The following LSAMP variants were observed in gnomAD, a reference collection of about 807,000 sequenced individuals.
LSAMP encodes limbic system associated membrane protein.
Under a neutral mutation model 38.6 loss-of-function variants are expected in LSAMP, and 7 were observed. The observed-to-expected ratio is 0.18, with a 90% CI of 0.10 to 0.34. The LOEUF (loss-of-function observed/expected upper bound fraction) is 0.34, where lower values mean the gene tolerates loss of function less well. Ranked by LOEUF, LSAMP falls within the 10% of genes least tolerant of loss-of-function variation. The pLI, the probability that LSAMP is intolerant of heterozygous loss-of-function variation, is 1.00. For synonymous variants in LSAMP, 154 were observed against 166.8 expected, an observed-to-expected ratio of 0.92 and a Z score of 0.59; for missense variants, 313 against 420.0, an observed-to-expected ratio of 0.75 and a Z score of 2.23.
At chr3:116,272,872 A>T (rs1407653803) in intron 1 of LSAMP, among the ~76,000 whole-genome samples, 9 of 152,042 alleles carry the variant, frequency 5.9e-5, no homozygotes, top group South Asian at 2.1e-4. Context: ...TAGTAAACTA[A>T]TTTTTTTGTT....
chr3:116,154,660 C>G (rs530223385), intron 1 of LSAMP, among the ~76,000 whole-genome samples: 34 of 152,190 alleles, frequency 2.2e-4, no homozygotes, highest in African/African-American at 7.0e-4. Flanking sequence ...TTCAAGCACA[C>G]CTTGCTCCCT....
At chr3:116,267,611 CAA>C (rs59540404) in intron 1 of LSAMP, among the ~76,000 whole-genome samples, 7,066 of 140,060 alleles carry the variant, frequency 0.05, 550 homozygotes, top group African/African-American at 0.17. Context: ...TTTAAGCTGG[CAA>C]AAAAAAAAAA....
chr3:116,044,279 G>A (rs1452263080), intron 2 of LSAMP, among the ~76,000 whole-genome samples: 1 of 152,146 alleles, frequency 6.6e-6, no homozygotes, highest in Non-Finnish European at 1.5e-5. Context: ...ATTTCCCCTT[G>A]CCCAAAGATT....
intron 1 of LSAMP, among the ~76,000 whole-genome samples, chr3:116,264,440 C>G (rs1334892347): frequency 2.0e-5 from 3 of 152,140 alleles, no homozygotes; most frequent in Non-Finnish European, 2.9e-5. Flanking sequence ...AGCACAGCCT[C>G]ATCAATTGCT....
At chr3:116,181,095 T>C (rs138194110) in intron 1 of LSAMP, among the ~76,000 whole-genome samples, 1 of 152,162 alleles carries the variant, frequency 6.6e-6, no homozygotes, top group East Asian at 1.9e-4. Context: ...GTAGTATTTG[T>C]TTTAAGTACA....
intron 3 of LSAMP, among the ~76,000 whole-genome samples, chr3:115,878,414 C>A: frequency 6.8e-6 from 1 of 147,616 alleles, no homozygotes. Flanking sequence ...CATTATTAAC[C>A]AATAAAAGAT....
intron 1 of LSAMP, among the ~76,000 whole-genome samples, chr3:116,253,406 A>G (rs1172928585): frequency 1.3e-5 from 2 of 152,026 alleles, no homozygotes; most frequent in African/African-American, 2.4e-5. Flanking sequence ...GGAGAGACAC[A>G]TTTTTCCTAG....
chr3:115,894,113 C>T (rs187903332), intron 3 of LSAMP, among the ~76,000 whole-genome samples: 1 of 152,020 alleles, frequency 6.6e-6, no homozygotes, highest in Non-Finnish European at 1.5e-5. Context: ...ACGCATAACT[C>T]TTTATTCCAT....
At chr3:116,440,402 G>T (rs1486638071) in intron 1 of LSAMP, among the ~76,000 whole-genome samples, 1 of 152,164 alleles carries the variant, frequency 6.6e-6, no homozygotes, top group Non-Finnish European at 1.5e-5. Context: ...CCTCACCAGT[G>T]ACTCAGTGGA....
At chr3:116,013,846 A>T (rs1940400739) in intron 3 of LSAMP, among the ~76,000 whole-genome samples, 1 of 152,142 alleles carries the variant, frequency 6.6e-6, no homozygotes, top group African/African-American at 2.4e-5. Context: ...TCTTAAATGC[A>T]TTATCATTCT....
intron 1 of LSAMP, among the ~76,000 whole-genome samples, chr3:116,238,158 T>C (rs1430495486): frequency 2.6e-5 from 4 of 152,168 alleles, no homozygotes; most frequent in Non-Finnish European, 5.9e-5. Flanking sequence ...TATGAACACC[T>C]GAGTAATCAA....
At chr3:116,289,196 G>C (rs575120921) in intron 1 of LSAMP, among the ~76,000 whole-genome samples, 1 of 152,284 alleles carries the variant, frequency 6.6e-6, no homozygotes, top group African/African-American at 2.4e-5. Flanking sequence ...ATCAAGACTG[G>C]TATGTCTCTG....
chr3:115,997,753 TACACAC>T (rs1189079190), intron 3 of LSAMP, among the ~76,000 whole-genome samples: 2 of 124,978 alleles, frequency 1.6e-5, no homozygotes, highest in South Asian at 2.6e-4. Flanking sequence ...TATATATATA[TACACAC>T]ACATACATAC....
Position 116,445,408 on chromosome 3 carries a change from A to C in LSAMP, c.-377T>G, listed in dbSNP as rs2049497864. On this transcript the variant is annotated 5_prime_UTR_variant, in exon 1 of 7. Transcript: ENST00000490035. The stretch of plus-strand genomic sequence containing the variant: ...GCTGAGCTCCTTCGCTCTGTAACCC[A>C]CTTTCCCAGGCTGGCGGGCGGGCGG... 9.3e-6 allele frequency: 4 copies of C among 430,868 alleles called. No individual in the cohort carries two copies. Among genetic ancestry groups the C allele is most frequent in the Non-Finnish European group, 8.1e-6 (2 of 246,108 alleles). 26.7% of individuals were successfully genotyped at this position (430,868 alleles called of 1,614,324 possible). A position where few individuals can be genotyped will look rare whatever the true frequency, so the allele number is the denominator to read the frequency against.
intron 3 of LSAMP, among the ~76,000 whole-genome samples, chr3:115,870,080 T>A (rs1935987798): frequency 6.6e-6 from 1 of 152,106 alleles, no homozygotes; most frequent in Non-Finnish European, 1.5e-5. Flanking sequence ...AAATTTAAAT[T>A]TCAGTATTTA....
chr3:116,359,669 G>C (rs2048276822), intron 1 of LSAMP, among the ~76,000 whole-genome samples: 1 of 152,078 alleles, frequency 6.6e-6, no homozygotes, highest in South Asian at 2.1e-4. Flanking sequence ...ATATGTCATG[G>C]TGGTTTGCTA....
At chr3:115,849,617 A>G (rs577033439) in intron 4 of LSAMP, among the ~76,000 whole-genome samples, 1 of 152,294 alleles carries the variant, frequency 6.6e-6, no homozygotes, top group South Asian at 2.1e-4. Context: ...CAGTTTAAAT[A>G]ATGGATTTCA....
chr3:116,000,230 A>T (rs1403122242), intron 3 of LSAMP, among the ~76,000 whole-genome samples: 2 of 152,128 alleles, frequency 1.3e-5, no homozygotes, highest in Non-Finnish European at 2.9e-5. Flanking sequence ...ACTCCTTTGT[A>T]AGTGCCAGGC....
At chr3:116,195,089 G>A (rs1253443959) in intron 1 of LSAMP, among the ~76,000 whole-genome samples, 3 of 152,206 alleles carry the variant, frequency 2.0e-5, no homozygotes, top group Non-Finnish European at 4.4e-5. Flanking sequence ...AGTAGGCACT[G>A]TATTGATCTC....
Sources: gnomAD v4.1 joint callset for allele counts (sites outside exome capture counted in the v4.1 genomes callset) on GRCh38, gnomAD v4.1.1 for gene constraint, MANE v1.5 for transcripts, NCBI Gene and HGNC (gene_info 2026-07-23, HGNC 2026-07-21) for gene names.